The following TIAM1 variants were observed in gnomAD, a reference collection of about 807,000 sequenced individuals.
TIAM1 encodes the protein rho guanine nucleotide exchange factor TIAM1.
In TIAM1, 65 loss-of-function variants were observed where a neutral mutation model predicts 163.5. That is an observed-to-expected ratio of 0.40 (90% CI 0.33 to 0.49). The LOEUF is 0.49. Among genes scored for constraint, TIAM1 ranks in the 20% least tolerant of loss-of-function variants. TIAM1 has a pLI of 0.77. For missense variants in TIAM1, 1,789 were observed against 2,044.7 expected (o/e 0.87, Z 2.41); for synonymous variants, 833 against 810.1 (o/e 1.03, Z -0.48).
At chr21:31,370,670 A>G (rs972149575) in intron 2 of TIAM1, among the ~76,000 whole-genome samples, 12 of 152,162 alleles carry the variant, frequency 7.9e-5, no homozygotes, top group Admixed American at 7.2e-4. Flanking sequence ...TGTACAAGAC[A>G]TACTGCGGTC....
intron 2 of TIAM1, among the ~76,000 whole-genome samples, chr21:31,410,617 TGTTA>T (rs1488913385): frequency 2.0e-5 from 3 of 151,162 alleles, no homozygotes; most frequent in South Asian, 4.2e-4. Flanking sequence ...GTGAATTGAG[TGTTA>T]GTGTGTGTCA....
intron 4 of TIAM1, among the ~76,000 whole-genome samples, chr21:31,254,037 GGAA>G (rs1436854683): frequency 2.0e-5 from 3 of 152,162 alleles, no homozygotes; most frequent in Non-Finnish European, 4.4e-5. Context: ...AGTCCTTCTG[GGAA>G]GAAGGTTTGG....
chr21:31,470,067 G>A (rs545905536), intron 1 of TIAM1, among the ~76,000 whole-genome samples: 14 of 148,194 alleles, frequency 9.4e-5, no homozygotes, highest in South Asian at 8.8e-4. Context: ...GCAGTGGCGC[G>A]ATCTCAGCTC....
chr21:31,432,091 C>CTTTTTTTTTTTTTTTTT (rs11291911), intron 2 of TIAM1, among the ~76,000 whole-genome samples: 1 of 93,662 alleles, frequency 1.1e-5, no homozygotes, highest in African/African-American at 4.6e-5. Context: ...TCTAAGATTC[C>CTTTTTTTTTTTTTTTTT]TTTTTTTTTT....
At position 31,395,108 on chromosome 21, in the gene TIAM1, C is replaced by T. The variant is rs544248652; in HGVS notation, c.-368-55686G>A. 2.8e-4 allele frequency among the ~76,000 whole-genome samples: 43 copies of T among 152,136 alleles called. 1 individual carries two copies. The highest frequency in any genetic ancestry group is 1.0e-3 in the South Asian group (5 of 4,814). ...CAAACATTAGCCAGGCATGGTGGCG[C>T]GTGCCTGTAGTCCCAGCTACTTGGG... On this transcript the variant is annotated intron_variant, in intron 2 of 28. Coordinates refer to the TIAM1 transcript ENST00000286827. The surrounding 1 kb of genome is among the most constrained non-coding windows in gnomAD (Gnocchi z 7.5).
chr21:31,442,072 T>TAAATATATATATATATATATATATAG (rs1350338587), intron 2 of TIAM1, among the ~76,000 whole-genome samples: 1 of 102,668 alleles, frequency 9.7e-6, no homozygotes, highest in African/African-American at 4.1e-5. Context: ...AATAAATAAA[T>TAAATATATATATATATATATATATAG]ATATATATAT....
In TIAM1 at chr21:31,119,949, T is replaced by C. The variant is rs572329190; in HGVS notation, c.*419A>G. 3 of 157,210 alleles carry C rather than the reference T, an allele frequency of 1.9e-5. No homozygotes were observed. Among genetic ancestry groups the C allele is most frequent in the African/African-American group, 4.8e-5 (2 of 41,728 alleles). 9.7% of individuals were successfully genotyped at this position (157,210 alleles called of 1,614,324 possible). A position where few individuals can be genotyped will look rare whatever the true frequency, so the allele number is the denominator to read the frequency against. The stretch of plus-strand genomic sequence containing the variant: ...CAAGCTGTACACATTTCATTTTGTG[T>C]GTGAAAGAGGTTTCCCCAGCTAGGA... On this transcript the variant is annotated 3_prime_UTR_variant, in exon 28 of 28. Coordinates refer to ENST00000541036, the MANE Select transcript of TIAM1 (RefSeq NM_001353694.2).
At chr21:31,425,230 G>A (rs2043742048) in intron 2 of TIAM1, among the ~76,000 whole-genome samples, 1 of 152,118 alleles carries the variant, frequency 6.6e-6, no homozygotes, top group African/African-American at 2.4e-5. Flanking sequence ...CAGATGGAAA[G>A]GAAAGCAGGC....
At chr21:31,195,424 A>G in intron 12 of TIAM1, 119 bp from the exon 13 acceptor site, 5 of 706,732 alleles carry the variant, frequency 7.1e-6, no homozygotes, top group South Asian at 3.9e-5. Context: ...GCACTTCACA[A>G]TCTTATCATT....
At chr21:31,175,331 C>G (rs1368112657) in intron 15 of TIAM1, among the ~76,000 whole-genome samples, 5 of 152,158 alleles carry the variant, frequency 3.3e-5, no homozygotes, top group Non-Finnish European at 2.9e-5. Flanking sequence ...AAGTGGAATT[C>G]TAGGGACAAT....
At chr21:31,139,491 TATAC>T (rs1478841101) in intron 22 of TIAM1, among the ~76,000 whole-genome samples, 20 of 152,152 alleles carry the variant, frequency 1.3e-4, no homozygotes, top group African/African-American at 4.6e-4. Flanking sequence ...TAACTAAACA[TATAC>T]ATAGATATTA....
At position 31,251,881 on chromosome 21, in the gene TIAM1, G is replaced by T. The variant is rs202190397; in HGVS notation, c.1272C>A (p.Asp424Glu). ...TGCCCTGTGCGGCGGTCAGCAGGAT[G>T]TCCGACTGGCCCGGAGAGCTCAGGG... The part of the protein sequence containing the change: ...SGTLSSPGQS[D>E]ILLTAAQGTV... The change falls in exon 5 of 28, where the codon GAC becomes GAA. Residue 424 changes from aspartate to glutamate, a missense_variant. This residue lies in a region of TIAM1 where 555 missense variants were observed against 564.9 expected (regional missense o/e 0.98). Transcript: ENST00000541036. 70 of 1,613,760 alleles carry T rather than the reference G, an allele frequency of 4.3e-5. No homozygotes were observed. The highest frequency in any genetic ancestry group is 5.8e-5 in the Non-Finnish European group (69 of 1,179,934).
At chr21:31,130,084 G>C in intron 25 of TIAM1, 129 bp downstream of exon 25, 1 of 690,586 alleles carries the variant, frequency 1.4e-6, no homozygotes, top group East Asian at 2.6e-5. Context: ...AGACAAGAGA[G>C]TTAAGCATAG....
chr21:31,293,510 T>C (rs1314316140), intron 2 of TIAM1, among the ~76,000 whole-genome samples: 1 of 152,198 alleles, frequency 6.6e-6, no homozygotes, highest in East Asian at 1.9e-4. Flanking sequence ...CTCCAGTGCC[T>C]AGTAATGCCA....
intron 12 of TIAM1, among the ~76,000 whole-genome samples, chr21:31,201,057 C>G (rs1407602404): frequency 6.6e-6 from 1 of 152,120 alleles, no homozygotes; most frequent in Admixed American, 6.5e-5. Context: ...ATTTCAAAAA[C>G]TATGTCTGAA....
chr21:31,448,470 G>A (rs2044708659), intron 2 of TIAM1, among the ~76,000 whole-genome samples: 1 of 152,066 alleles, frequency 6.6e-6, no homozygotes, highest in Non-Finnish European at 1.5e-5. Context: ...GCTAGGCGTG[G>A]TAATGCGTGC....
chr21:31,219,027 T>C (rs1023527188), intron 8 of TIAM1, among the ~76,000 whole-genome samples: 64 of 119,030 alleles, frequency 5.4e-4, no homozygotes, highest in Non-Finnish European at 9.3e-4. Flanking sequence ...GCATTTCCTT[T>C]TTTTTTTTTT....
chr21:31,145,201 T>C (rs1244893377), intron 20 of TIAM1, among the ~76,000 whole-genome samples: 2 of 152,214 alleles, frequency 1.3e-5, no homozygotes, highest in African/African-American at 4.8e-5. Flanking sequence ...CATTTGAGGT[T>C]CCACCAGAAC....
upstream of TIAM1, among the ~76,000 whole-genome samples, chr21:31,345,781 C>A (rs1419069180): frequency 6.6e-6 from 1 of 152,074 alleles, no homozygotes; most frequent in Non-Finnish European, 1.5e-5. Context: ...GAAACCCCGT[C>A]TCTACTAAAA....
Sources: gnomAD v4.1 joint callset for allele counts (sites outside exome capture counted in the v4.1 genomes callset) on GRCh38, gnomAD v4.1.1 for gene constraint, gnomAD v4.1.1 regional missense constraint, Gnocchi (gnomAD v3.1) non-coding constraint, MANE v1.5 for transcripts, NCBI Gene and HGNC (gene_info 2026-07-23, HGNC 2026-07-21) for gene names.